CYP1A2: variants seen among roughly 807,000 people sequenced by gnomAD.
CYP1A2 encodes the protein cytochrome P450 1A2.
In CYP1A2, 35 loss-of-function variants were observed where a neutral mutation model predicts 34.7. The observed-to-expected ratio is 1.01, with a 90% confidence interval of 0.77 to 1.34. The LOEUF is 1.34. CYP1A2 is among the 40% of genes most tolerant of loss of function. The pLI, the probability that CYP1A2 is intolerant of heterozygous loss-of-function variation, is 0.00. For missense variants in CYP1A2, 675 were observed against 675.8 expected, an observed-to-expected ratio of 1.00 and a Z score of 0.01; for synonymous variants, 288 against 281.9, an observed-to-expected ratio of 1.02 and a Z score of -0.22.
Position 74,754,825 on chromosome 15 carries a change from G to C in CYP1A2, c.1288G>C (p.Glu430Gln), listed in dbSNP as rs747837686. The change falls in exon 7 of 7, where the codon GAG (glutamate) becomes CAG (glutamine). Residue 430 changes from glutamate (E) to glutamine (Q), a missense_variant. Physicochemically the swap from Glu to Gln is conservative, Grantham distance 29. Coordinates refer to ENST00000343932, the MANE Select transcript of CYP1A2 (RefSeq NM_000761.5). The part of the protein sequence containing the change: ...LWEDPSEFRP[E>Q]RFLTADGTAI... ...GGAGGACCCCTCTGAGTTCCGGCCTGAGCGGTTCCTCACCGCCGATGGCAC... is the reference window on the plus strand; with the variant it reads ...GGAGGACCCCTCTGAGTTCCGGCCTCAGCGGTTCCTCACCGCCGATGGCAC... 1 of 1,614,084 alleles carries C rather than the reference G, an allele frequency of 6.2e-7. No homozygotes were observed. Among genetic ancestry groups the C allele is most frequent in the Non-Finnish European group, 8.5e-7 (1 of 1,179,954 alleles).
Position 74,750,430 on chromosome 15 carries a change from C to T in CYP1A2, c.692C>T (p.Ser231Phe), listed in dbSNP as rs1171510781. 6.2e-7 allele frequency: 1 copy of T among 1,614,068 alleles called. No homozygotes were observed. The highest frequency in any genetic ancestry group is 8.5e-7 in the Non-Finnish European group (1 of 1,180,044). ...ACTCATGAGTTCGTGGAGACTGCCT[C>T]CTCCGGGAACCCCCTGGACTTCTTC... ...KNTHEFVETA[S>F]SGNPLDFFPI... Residue 231 changes from serine to phenylalanine, a missense_variant, in exon 2 of 7, where the codon TCC (serine) becomes TTC (phenylalanine). By Grantham distance (155) the Ser-to-Phe change is radical. Coordinates refer to ENST00000343932, the MANE Select transcript of CYP1A2 (RefSeq NM_000761.5).
Position 74,750,005 on chromosome 15 carries a change from C to T in CYP1A2, c.267C>T (p.Ser89=), listed in dbSNP as rs1471900318. 6.2e-7 allele frequency: 1 copy of T among 1,614,072 alleles called. No homozygotes were observed. Among genetic ancestry groups the T allele is most frequent in the South Asian group, 1.1e-5 (1 of 91,080 alleles). The change falls in exon 2 of 7, where the codon AGC becomes AGT. Residue 89 remains serine (S), a synonymous_variant. Transcript: ENST00000343932. ...RIGSTPVLVL[S]RLDTIRQALV... ...GCTCCACGCCCGTGCTGGTGCTGAG[C>T]CGCCTGGACACCATCCGGCAGGCCC...
chr15:74,753,066 C>A, intron 5 of CYP1A2, 118 bp from the exon 6 acceptor site: 2 of 677,678 alleles, frequency 3.0e-6, no homozygotes, highest in Non-Finnish European at 5.2e-6. Flanking sequence ...CTCCCCTCCC[C>A]TCCCAGTGTA....
At chr15:74,749,451 C>T (rs1310414967) in intron 1 of CYP1A2, among the ~76,000 whole-genome samples, 1 of 152,192 alleles carries the variant, frequency 6.6e-6, no homozygotes, top group Admixed American at 6.5e-5. Flanking sequence ...CTTGCCTCTA[C>T]TCCAGCCCCA....
intron 6 of CYP1A2, 117 bp from the exon 7 acceptor site, chr15:74,754,674 T>C (rs1405831461): frequency 1.1e-6 from 1 of 938,770 alleles, no homozygotes; most frequent in East Asian, 2.4e-5. Flanking sequence ...CACCTACCCT[T>C]CATTGCTTTC....
rs1449711599 is a variant in CYP1A2 at position 74,754,647 on chromosome 15, T to C, written c.1254-144T>C. ...AAGAAAAAGAAATAAGCATCAAAGTTCAGTTTGGTTCCTTCCCACCTACCC... is the reference window on the plus strand; with the variant it reads ...AAGAAAAAGAAATAAGCATCAAAGTCCAGTTTGGTTCCTTCCCACCTACCC... On this transcript the variant is annotated intron_variant, in intron 6 of 6. Coordinates refer to ENST00000343932, the MANE Select transcript of CYP1A2 (RefSeq NM_000761.5). 4.2e-6 allele frequency: 3 copies of C among 715,300 alleles called. No homozygotes were observed. In the African/African-American group the frequency reaches 5.4e-5, roughly 13 times the overall value. The allele number at this position is 715,300 out of a possible 1,614,324, so 44.3% of individuals were successfully genotyped here.
chr15:74,750,339 G>A lies in CYP1A2; in HGVS notation c.601G>A (p.Gly201Ser), dbSNP rs750360601. 2 of 1,614,172 alleles carry A rather than the reference G, an allele frequency of 1.2e-6. No individual in the cohort carries two copies. Among genetic ancestry groups the A allele is most frequent in the Non-Finnish European group, 1.7e-6 (2 of 1,180,032 alleles). ...GGTGGTGTCAGTGGCCAACGTCATTGGTGCCATGTGCTTCGGACAGCACTT... is the reference window on the plus strand; with the variant it reads ...GGTGGTGTCAGTGGCCAACGTCATTAGTGCCATGTGCTTCGGACAGCACTT... ...QVVVSVANVI[G>S]AMCFGQHFPE... Residue 201 changes from glycine (G) to serine (S), a missense_variant, in exon 2 of 7, where the codon GGT (glycine) becomes AGT (serine). Physicochemically the swap from Gly to Ser is moderately conservative, Grantham distance 56 (BLOSUM62 0). Coordinates refer to ENST00000343932, the MANE Select transcript of CYP1A2 (RefSeq NM_000761.5).
chr15:74,750,569 G>T lies in CYP1A2; in HGVS notation c.831G>T (p.Lys277Asn), dbSNP rs1038333951. ...AGGAGCACTATCAGGACTTTGACAAGGTGAGCCCGGGGTGCAGGTGGCAAG... is the reference window on the plus strand; with the variant it reads ...AGGAGCACTATCAGGACTTTGACAATGTGAGCCCGGGGTGCAGGTGGCAAG... ...TVQEHYQDFD[K>N]NSVRDITGAL... Residue 277 changes from lysine to asparagine, a missense_variant and splice_region_variant, in exon 2 of 7, where the codon AAG (lysine) becomes AAT (asparagine). Lys to Asn is a moderately conservative substitution (Grantham distance 94). Transcript: ENST00000343932. 1 of 1,611,586 alleles carries T rather than the reference G, an allele frequency of 6.2e-7. No individual in the cohort carries two copies. Among genetic ancestry groups the T allele is most frequent in the Non-Finnish European group, 8.5e-7 (1 of 1,178,094 alleles).
In CYP1A2 at chr15:74,755,593, A is replaced by G. The variant is rs2063335122; in HGVS notation, c.*505A>G. 6.5e-6 allele frequency: 1 copy of G among 152,684 alleles called. No individual in the cohort carries two copies. Among genetic ancestry groups the G allele is most frequent in the Non-Finnish European group, 1.5e-5 (1 of 68,672 alleles). 9.5% of individuals were successfully genotyped at this position (152,684 alleles called of 1,614,324 possible). A position where few individuals can be genotyped will look rare whatever the true frequency, so the allele number is the denominator to read the frequency against. ...CTCCCAAGCACCTGGGATTACAAGCATGAGTCACTACGCCTGGCTGATTTT... is the reference window on the plus strand; with the variant it reads ...CTCCCAAGCACCTGGGATTACAAGCGTGAGTCACTACGCCTGGCTGATTTT... On this transcript the variant is annotated 3_prime_UTR_variant, in exon 7 of 7. Coordinates refer to ENST00000343932, the MANE Select transcript of CYP1A2 (RefSeq NM_000761.5).
intron 1 of CYP1A2, among the ~76,000 whole-genome samples, chr15:74,749,396 G>A (rs572865715): frequency 2.0e-5 from 3 of 152,314 alleles, no homozygotes; most frequent in Admixed American, 6.5e-5. Flanking sequence ...TGTGCCAGGG[G>A]CTGACAAGGG....
At chr15:74,752,299 C>A in intron 5 of CYP1A2, 52 bp downstream of exon 5, 1 of 1,603,914 alleles carries the variant, frequency 6.2e-7, no homozygotes. Flanking sequence ...GCCATGTTTT[C>A]TCTTCCTGGC....
In CYP1A2 at chr15:74,753,214, C is replaced by A; in HGVS notation, c.1197C>A (p.Phe399Leu). 11 of 1,613,894 alleles carry A rather than the reference C, an allele frequency of 6.8e-6. No homozygotes were observed. The highest frequency in any genetic ancestry group is 9.3e-6 in the Non-Finnish European group (11 of 1,179,864). Residue 399 changes from phenylalanine (F) to leucine (L), a missense_variant, in exon 6 of 7, where the codon TTC becomes TTA. Phe to Leu is a conservative substitution (Grantham distance 22, BLOSUM62 0). Coordinates refer to ENST00000343932, the MANE Select transcript of CYP1A2 (RefSeq NM_000761.5). ...STTRDTTLNG[F>L]YIPKKCCVFV... ...CAAGGGACACAACGCTGAATGGCTT[C>A]TACATCCCCAAGAAATGCTGTGTCT...
intron 6 of CYP1A2, 131 bp from the exon 7 acceptor site, chr15:74,754,660 T>C: frequency 1.2e-6 from 1 of 845,420 alleles, no homozygotes; most frequent in Non-Finnish European, 1.9e-6. Flanking sequence ...GTTTGGTTCC[T>C]TCCCACCTAC....
Position 74,750,563 on chromosome 15 carries a change from T to C in CYP1A2, c.825T>C (p.Phe275=). Reference sequence around the variant, plus strand: ...CAGTCCAGGAGCACTATCAGGACTTTGACAAGGTGAGCCCGGGGTGCAGGT... The same window carrying C: ...CAGTCCAGGAGCACTATCAGGACTTCGACAAGGTGAGCCCGGGGTGCAGGT... The part of the protein sequence containing the change: ...QKTVQEHYQD[F]DKNSVRDITG... Residue 275 remains phenylalanine, a synonymous_variant, in exon 2 of 7, where the codon TTT becomes TTC. Transcript: ENST00000343932. 1 of 1,612,540 alleles carries C rather than the reference T, an allele frequency of 6.2e-7. No individual in the cohort carries two copies. Among genetic ancestry groups the C allele is most frequent in the Middle Eastern group, 1.7e-4 (1 of 6,054 alleles).
chr15:74,755,074 T>G lies in CYP1A2; in HGVS notation c.1537T>G (p.Phe513Val). Residue 513 changes from phenylalanine to valine, a missense_variant, in exon 7 of 7, where the codon TTC (phenylalanine) becomes GTC (valine). By Grantham distance (50) the Phe-to-Val change is conservative. Coordinates refer to ENST00000343932, the MANE Select transcript of CYP1A2 (RefSeq NM_000761.5). ...RCEHVQARLR[F>V]SIN The stretch of plus-strand genomic sequence containing the variant: ...TGAACATGTCCAGGCGCGGCTGCGC[T>G]TCTCCATCAATTGAAGAAGACACCA... The G allele has an allele frequency of 6.2e-7, 1 of 1,607,596 alleles. No individual in the cohort carries two copies. The highest frequency in any genetic ancestry group is 2.2e-5 in the East Asian group (1 of 44,786).
rs71541923 is a variant in CYP1A2, at chr15:74,750,086, C to T, written c.348C>T (p.Leu116=). The T allele has an allele frequency of 6.2e-7, 1 of 1,614,086 alleles. No individual in the cohort carries two copies. Among genetic ancestry groups the T allele is most frequent in the Admixed American group, 1.7e-5 (1 of 60,028 alleles). ...KGRPDLYTST[L]ITDGQSLTFS... is the part of the protein sequence containing the mutation. ...GGCCTGACCTCTACACCTCCACCCT[C>T]ATCACTGATGGCCAGAGCTTGACCT... Residue 116 remains leucine (L), a synonymous_variant, in exon 2 of 7, where the codon CTC becomes CTT. Transcript: ENST00000343932.
In CYP1A2 at chr15:74,751,688, C is replaced by T. The variant is rs2063316109; in HGVS notation, c.953-77C>T. On this transcript the variant is annotated intron_variant, in intron 3 of 6. Coordinates refer to ENST00000343932, the MANE Select transcript of CYP1A2 (RefSeq NM_000761.5). ...AGAGAAAGCTAATGCTGGATACATA[C>T]ATAGCAGATACTTGGGAAATGATGG... is the stretch of plus-strand genomic sequence containing the variant. 35 of 1,399,502 alleles carry T rather than the reference C, an allele frequency of 2.5e-5. No individual in the cohort carries two copies. In the South Asian group the frequency reaches 3.1e-4, roughly 12 times the overall value. 86.7% of individuals were successfully genotyped at this position (1,399,502 alleles called of 1,614,324 possible).
rs2063316791 is a variant in CYP1A2, at chr15:74,751,835, G to A, written c.1023G>A (p.Arg341=). Reference sequence around the variant, plus strand: ...TTGTGACCAAGCCTGAGATACAGAGGAAGATCCAGAAGGAGCTGGGTACAT... The same window carrying A: ...TTGTGACCAAGCCTGAGATACAGAGAAAGATCCAGAAGGAGCTGGGTACAT... The part of the protein sequence containing the change: ...MYLVTKPEIQ[R]KIQKELDTVI... Residue 341 remains arginine, a synonymous_variant, in exon 4 of 7, where the codon AGG becomes AGA. Transcript: ENST00000343932. 2 of 1,614,030 alleles carry A rather than the reference G, an allele frequency of 1.2e-6. No individual in the cohort carries two copies. The highest frequency in any genetic ancestry group is 1.3e-5 in the African/African-American group (1 of 74,926).
chr15:74,749,149 C>G (rs1224550273), intron 1 of CYP1A2, among the ~76,000 whole-genome samples: 1 of 152,198 alleles, frequency 6.6e-6, no homozygotes, highest in Non-Finnish European at 1.5e-5. Flanking sequence ...AAGCCCAACC[C>G]CAACCTCCAA....
Sources: allele counts gnomAD v4.1 joint callset (sites outside exome capture counted in the v4.1 genomes callset), GRCh38; gene constraint gnomAD v4.1.1; transcripts MANE v1.5; gene names NCBI Gene and HGNC (gene_info 2026-07-23, HGNC 2026-07-21).